Variants in BRAF observed in about 807,000 individuals in gnomAD.
BRAF encodes the protein serine/threonine-protein kinase B-raf.
In BRAF, 16 loss-of-function variants were observed where a neutral mutation model predicts 104.6. The observed-to-expected ratio is 0.15, with a 90% CI of 0.10 to 0.23. BRAF has a LOEUF of 0.23. Among genes scored for constraint, BRAF ranks in the 10% least tolerant of loss-of-function variants. The pLI, the probability that BRAF is intolerant of heterozygous loss-of-function variation, is 1.00. For synonymous variants in BRAF, 310 were observed against 341.6 expected, an observed-to-expected ratio of 0.91 and a Z score of 1.02; for missense variants, 541 against 937.3, an observed-to-expected ratio of 0.58 and a Z score of 5.52.
intron 1 of BRAF, among the ~76,000 whole-genome samples, chr7:140,859,667 T>G (rs535629097): frequency 9.2e-5 from 14 of 151,748 alleles, no homozygotes; most frequent in African/African-American, 3.2e-4. Flanking sequence ...CCCATGGAAC[T>G]TGAAAAACTG....
At chr7:140,836,939 A>C (rs1267625) in intron 2 of BRAF, among the ~76,000 whole-genome samples, 45,874 of 152,128 alleles carry the variant, frequency 0.3, 11,002 homozygotes, top group African/African-American at 0.67. Flanking sequence ...AAGTAATGAA[A>C]AGAACAATTT....
chr7:140,809,314 T>C (rs969777899), intron 3 of BRAF, among the ~76,000 whole-genome samples: 11 of 152,176 alleles, frequency 7.2e-5, no homozygotes, highest in African/African-American at 1.9e-4. Flanking sequence ...TGAGCAATAA[T>C]AGATGTCAAT....
intron 1 of BRAF, among the ~76,000 whole-genome samples, chr7:140,894,560 A>G (rs993395778): frequency 1.3e-5 from 2 of 152,190 alleles, no homozygotes; most frequent in African/African-American, 2.4e-5. Flanking sequence ...GCAAGGAGTT[A>G]AAATAGTCCT....
intron 14 of BRAF, among the ~76,000 whole-genome samples, chr7:140,757,619 T>C (rs892573340): frequency 6.6e-6 from 1 of 152,242 alleles, no homozygotes; most frequent in Non-Finnish European, 1.5e-5. Flanking sequence ...ACATGGTCTA[T>C]AATTTCAGAT....
rs1795355603 is a variant in BRAF, at chr7:140,722,202, C to T, written c.*4292G>A. 6 of 1,057,170 alleles carry T rather than the reference C, an allele frequency of 5.7e-6. No individual in the cohort carries two copies. Among genetic ancestry groups the T allele is most frequent in the Non-Finnish European group, 6.9e-6 (6 of 873,908 alleles). 65.5% of individuals were successfully genotyped at this position (1,057,170 alleles called of 1,614,324 possible). On this transcript the variant is annotated 3_prime_UTR_variant, in exon 20 of 20. Transcript: ENST00000644969. ...TATGTGATAAATATATCTGACTATA[C>T]TAGGGATTATGTGCTTTAAAAAAAT... is the stretch of plus-strand genomic sequence containing the variant.
chr7:140,773,052 AGTGG>A (rs1301907817), intron 14 of BRAF, among the ~76,000 whole-genome samples: 4 of 152,146 alleles, frequency 2.6e-5, no homozygotes, highest in Admixed American at 2.0e-4. Flanking sequence ...GTTCCTGTTT[AGTGG>A]ACATAAAGTT....
At chr7:140,872,470 A>C (rs1451974791) in intron 1 of BRAF, among the ~76,000 whole-genome samples, 2 of 152,160 alleles carry the variant, frequency 1.3e-5, no homozygotes, top group Non-Finnish European at 1.5e-5. Flanking sequence ...AATTAAAATA[A>C]GAAGAAGAAA....
chr7:140,830,891 TA>T (rs1806660449), intron 3 of BRAF, among the ~76,000 whole-genome samples: 1 of 152,208 alleles, frequency 6.6e-6, no homozygotes, highest in South Asian at 2.1e-4. Flanking sequence ...ACATCCTTTA[TA>T]GCAAACCAGT....
chr7:140,895,777 A>G (rs921804043), intron 1 of BRAF, among the ~76,000 whole-genome samples: 8 of 152,174 alleles, frequency 5.3e-5, no homozygotes, highest in Admixed American at 4.6e-4. Context: ...TTACGGCTGA[A>G]TAGCATTCCA....
intron 2 of BRAF, among the ~76,000 whole-genome samples, chr7:140,837,773 T>G (rs1807499661): frequency 6.6e-6 from 1 of 152,212 alleles, no homozygotes; most frequent in South Asian, 2.1e-4. Flanking sequence ...GGATCTTAAC[T>G]TCATCCTTCA....
chr7:140,801,680 C>A (rs1803131461), intron 5 of BRAF, 120 bp from the exon 6 acceptor site: 1 of 1,105,908 alleles, frequency 9.0e-7, no homozygotes, highest in Non-Finnish European at 1.3e-6. Flanking sequence ...ATGAAACTCA[C>A]ATACTAAAGT....
At chr7:140,905,618 T>C (rs989075717) in intron 1 of BRAF, among the ~76,000 whole-genome samples, 1 of 152,252 alleles carries the variant, frequency 6.6e-6, no homozygotes, top group African/African-American at 2.4e-5. Flanking sequence ...ATCCATTTTG[T>C]ATTTAATGTA....
At chr7:140,814,438 G>A (rs769016099) in intron 3 of BRAF, among the ~76,000 whole-genome samples, 17 of 152,116 alleles carry the variant, frequency 1.1e-4, no homozygotes, top group Admixed American at 2.0e-4. Context: ...GCCAAGGCAG[G>A]CAGATCACCT....
At chr7:140,874,538 A>T (rs1008909789) in intron 1 of BRAF, among the ~76,000 whole-genome samples, 2 of 151,676 alleles carry the variant, frequency 1.3e-5, no homozygotes, top group Non-Finnish European at 2.9e-5. Flanking sequence ...AAAGTAAAAA[A>T]AAAAAAAAAA....
At chr7:140,782,283 GTTTTTATCA>G (rs1324437740) in intron 11 of BRAF, among the ~76,000 whole-genome samples, 1 of 152,132 alleles carries the variant, frequency 6.6e-6, no homozygotes, top group African/African-American at 2.4e-5. Context: ...TAAGTAAAAT[GTTTTTATCA>G]TCTGGAAGAC....
At chr7:140,789,526 G>A (rs1333053101) in intron 8 of BRAF, among the ~76,000 whole-genome samples, 2 of 152,252 alleles carry the variant, frequency 1.3e-5, no homozygotes, top group Admixed American at 1.3e-4. Flanking sequence ...TGAAAAGAAG[G>A]TGACAGGAGT....
At chr7:140,841,473 A>C (rs1016025347) in intron 2 of BRAF, among the ~76,000 whole-genome samples, 1 of 152,230 alleles carries the variant, frequency 6.6e-6, no homozygotes, top group Non-Finnish European at 1.5e-5. Flanking sequence ...TAATGGCAAA[A>C]ACATATAAGT....
chr7:140,789,140 C>A (rs578065700), intron 8 of BRAF, among the ~76,000 whole-genome samples: 2 of 151,456 alleles, frequency 1.3e-5, no homozygotes, highest in African/African-American at 4.9e-5. Flanking sequence ...ACCTGTGAGG[C>A]GGAGGTTGCA....
intron 1 of BRAF, among the ~76,000 whole-genome samples, chr7:140,869,021 C>G (rs1345275849): frequency 3.3e-5 from 5 of 152,086 alleles, no homozygotes; most frequent in African/African-American, 1.2e-4. Context: ...AGTTTATAAC[C>G]TAAGTCAAAG....
Sources: gnomAD v4.1 joint callset for allele counts (sites outside exome capture counted in the v4.1 genomes callset) on GRCh38, gnomAD v4.1.1 for gene constraint, MANE v1.5 for transcripts, NCBI Gene and HGNC (gene_info 2026-07-23, HGNC 2026-07-21) for gene names.